Variants in ULK4 observed in about 807,000 individuals in gnomAD.
The protein encoded by ULK4 is unc-51 like kinase 4.
A neutral mutation model predicts 160.6 loss-of-function variants in ULK4; 133 were observed. That is an observed-to-expected ratio of 0.83 (90% confidence interval 0.72 to 0.96). ULK4 has a LOEUF of 0.96. Ranked by LOEUF, ULK4 falls within the 40% of genes least tolerant of loss-of-function variation. The pLI is 0.00. For missense variants in ULK4, 1,580 were observed against 1,499.5 expected, an observed-to-expected ratio of 1.05 and a Z score of -0.89; for synonymous variants, 534 against 539.8, an observed-to-expected ratio of 0.99 and a Z score of 0.15.
intron 31 of ULK4, among the ~76,000 whole-genome samples, chr3:41,587,394 A>T (rs1008959550): frequency 6.6e-6 from 1 of 152,192 alleles, no homozygotes. Flanking sequence ...ACTAATTAGT[A>T]ATTTAATTAA....
At chr3:41,949,346 G>C (rs1700214764) in intron 2 of ULK4, among the ~76,000 whole-genome samples, 1 of 151,030 alleles carries the variant, frequency 6.6e-6, no homozygotes, top group Admixed American at 6.6e-5. Flanking sequence ...AAAAAGTAAA[G>C]TTTCCATAAA....
At chr3:41,896,629 A>G (rs1290387286) in intron 15 of ULK4, among the ~76,000 whole-genome samples, 193 bp downstream of exon 15, 4 of 152,210 alleles carry the variant, frequency 2.6e-5, no homozygotes, top group Non-Finnish European at 5.9e-5. Flanking sequence ...AACAAACAAA[A>G]TAAGTTCAAA....
intron 31 of ULK4, among the ~76,000 whole-genome samples, chr3:41,595,277 C>G (rs913294165): frequency 4.6e-5 from 7 of 152,146 alleles, no homozygotes; most frequent in Non-Finnish European, 8.8e-5. Flanking sequence ...GTGACTTGAC[C>G]TCTTCCTCTT....
intron 19 of ULK4, among the ~76,000 whole-genome samples, chr3:41,808,741 C>T (rs1242770591): frequency 3.9e-5 from 6 of 152,216 alleles, no homozygotes; most frequent in Non-Finnish European, 8.8e-5. Context: ...TTTTGGTCTA[C>T]TTAGGCAGGC....
chr3:41,661,510 T>A (rs963495672), intron 30 of ULK4, among the ~76,000 whole-genome samples: 13 of 119,270 alleles, frequency 1.1e-4, no homozygotes, highest in African/African-American at 6.9e-4. Context: ...GATAGATAGA[T>A]GATAGATAGA....
At chr3:41,808,897 G>A (rs995858364) in intron 19 of ULK4, among the ~76,000 whole-genome samples, 2 of 152,150 alleles carry the variant, frequency 1.3e-5, no homozygotes, top group African/African-American at 4.8e-5. Flanking sequence ...AGCCGGGTGA[G>A]GTGGCTCACA....
At chr3:41,779,941 T>C (rs1394399661) in intron 21 of ULK4, among the ~76,000 whole-genome samples, 1 of 107,640 alleles carries the variant, frequency 9.3e-6, no homozygotes, top group Non-Finnish European at 1.7e-5. Flanking sequence ...CATATGTAAC[T>C]AACCTGCACA....
At chr3:41,276,290 C>G (rs1467901927) in intron 35 of ULK4, among the ~76,000 whole-genome samples, 1 of 152,214 alleles carries the variant, frequency 6.6e-6, no homozygotes, top group Non-Finnish European at 1.5e-5. Context: ...TCTGAGGAAA[C>G]TCTGTCTTCT....
chr3:41,957,381 G>A (rs1422909491), intron 1 of ULK4, among the ~76,000 whole-genome samples: 1 of 149,796 alleles, frequency 6.7e-6, no homozygotes, highest in African/African-American at 2.4e-5. Flanking sequence ...CTTGAACGCA[G>A]GAGGCAGAGG....
chr3:41,602,631 A>T (rs572674004), intron 31 of ULK4, among the ~76,000 whole-genome samples: 1 of 152,162 alleles, frequency 6.6e-6, no homozygotes, highest in Admixed American at 6.5e-5. Flanking sequence ...AAGTTATATA[A>T]AAATTTTTAA....
chr3:41,639,009 T>C (rs1370756221), intron 30 of ULK4, among the ~76,000 whole-genome samples: 4 of 152,190 alleles, frequency 2.6e-5, no homozygotes, highest in African/African-American at 7.2e-5. Flanking sequence ...GCGTAAATAT[T>C]AAAACAGAAC....
At chr3:41,884,785 A>G (rs78455464) in intron 16 of ULK4, among the ~76,000 whole-genome samples, 8,420 of 152,312 alleles carry the variant, frequency 0.055, 425 homozygotes, top group East Asian at 0.16. Context: ...TCTAACATAC[A>G]GAAATAATCC....
At chr3:41,697,475 T>C (rs1052540886) in intron 27 of ULK4, among the ~76,000 whole-genome samples, 1 of 152,158 alleles carries the variant, frequency 6.6e-6, no homozygotes, top group Non-Finnish European at 1.5e-5. Flanking sequence ...AGAAAATATT[T>C]TTGTAGAACT....
At chr3:41,619,645 T>C (rs1006025981) in intron 30 of ULK4, among the ~76,000 whole-genome samples, 2 of 151,568 alleles carry the variant, frequency 1.3e-5, no homozygotes, top group Admixed American at 1.3e-4. Context: ...TAGCAGCAAA[T>C]GCCCACAGGA....
chr3:41,493,838 A>G lies in ULK4; in HGVS notation c.3227-30585T>C, dbSNP rs902298557. 4.2e-5 allele frequency among the ~76,000 whole-genome samples: 6 copies of G among 144,234 alleles called. No homozygotes were observed. The East Asian group carries it at 5.9e-4, about 14-fold the overall frequency. 94.6% of individuals were successfully genotyped at this position (144,234 alleles called of 152,430 possible). On this transcript the variant is annotated intron_variant, in intron 32 of 36. Coordinates refer to ENST00000301831, the MANE Select transcript of ULK4 (RefSeq NM_017886.4). ...AAACTAGAAAATCTAGAAGAAATGG[A>G]TAAATTCCTCGACACATACACCCTC...
intron 1 of ULK4, among the ~76,000 whole-genome samples, chr3:41,955,205 G>T (rs1700441229): frequency 6.6e-6 from 1 of 152,158 alleles, no homozygotes; most frequent in Non-Finnish European, 1.5e-5. Flanking sequence ...CAGGGGAATC[G>T]CTTGAACCCG....
intron 18 of ULK4, among the ~76,000 whole-genome samples, chr3:41,831,641 C>T (rs59724529): frequency 0.058 from 8,827 of 151,642 alleles, 812 homozygotes; most frequent in African/African-American, 0.2. Flanking sequence ...ATCAACCCAT[C>T]ATCTAGGTTT....
intron 18 of ULK4, among the ~76,000 whole-genome samples, chr3:41,820,365 A>G (rs937791825): frequency 8.5e-5 from 13 of 152,176 alleles, no homozygotes; most frequent in Admixed American, 3.3e-4. Flanking sequence ...ACACACTCAT[A>G]TATTCATCGT....
intron 21 of ULK4, among the ~76,000 whole-genome samples, chr3:41,778,273 C>A (rs772351752): frequency 0.019 from 882 of 45,412 alleles, 9 homozygotes; most frequent in Non-Finnish European, 0.022. Context: ...ATCCAACTTA[C>A]AAGGGATGTG....
Sources: gnomAD v4.1 joint callset for allele counts (sites outside exome capture counted in the v4.1 genomes callset) on GRCh38, gnomAD v4.1.1 for gene constraint, MANE v1.5 for transcripts, NCBI Gene and HGNC (gene_info 2026-07-23, HGNC 2026-07-21) for gene names.